The following FAM171A1 variants were observed in gnomAD, a reference collection of about 807,000 sequenced individuals.
The protein encoded by FAM171A1 is protein FAM171A1.
Under a neutral mutation model 74.9 loss-of-function variants are expected in FAM171A1, and 23 were observed. That is an observed-to-expected ratio of 0.31 (90% CI 0.22 to 0.44). FAM171A1 has a LOEUF of 0.44. Ranked by LOEUF, FAM171A1 falls within the 20% of genes least tolerant of loss-of-function variation. FAM171A1 has a pLI of 1.00. For synonymous variants in FAM171A1, 527 were observed against 505.7 expected (o/e 1.04, Z -0.57); for missense variants, 1,162 against 1,159.2 (o/e 1.00, Z -0.03).
intron 1 of FAM171A1, among the ~76,000 whole-genome samples, chr10:15,330,864 T>C (rs1031452000): frequency 2.0e-5 from 3 of 151,640 alleles, no homozygotes; most frequent in African/African-American, 7.3e-5. Context: ...ATTAAAGTCA[T>C]GTGCCACCAC....
At chr10:15,240,522 T>C (rs1043899586) in intron 5 of FAM171A1, among the ~76,000 whole-genome samples, 1 of 152,202 alleles carries the variant, frequency 6.6e-6, no homozygotes, top group East Asian at 1.9e-4. Flanking sequence ...AATATGAAGA[T>C]GCCAATTTCA....
intron 3 of FAM171A1, among the ~76,000 whole-genome samples, chr10:15,255,463 G>C (rs766884212): frequency 2.0e-4 from 30 of 152,264 alleles, no homozygotes; most frequent in Non-Finnish European, 3.4e-4. Flanking sequence ...CTGGAGGCGT[G>C]CTTCCTACTT....
intron 1 of FAM171A1, among the ~76,000 whole-genome samples, chr10:15,320,503 C>T (rs1490398996): frequency 2.0e-5 from 3 of 152,274 alleles, no homozygotes; most frequent in South Asian, 2.1e-4. Context: ...ATTGCCAGGT[C>T]GAATGGCAGT....
At chr10:15,229,714 C>A (rs111171985) in intron 5 of FAM171A1, among the ~76,000 whole-genome samples, 1 of 75,962 alleles carries the variant, frequency 1.3e-5, no homozygotes, top group Non-Finnish European at 3.0e-5. Flanking sequence ...ATCATCATCA[C>A]CACCATCACC....
At chr10:15,238,146 GT>G (rs1834318339) in intron 5 of FAM171A1, among the ~76,000 whole-genome samples, 1 of 152,160 alleles carries the variant, frequency 6.6e-6, no homozygotes, top group African/African-American at 2.4e-5. Flanking sequence ...GTGTAGTACT[GT>G]TTATCCCTAT....
intron 1 of FAM171A1, 43 bp downstream of exon 1, chr10:15,370,913 C>T (rs755013205): frequency 6.2e-5 from 61 of 979,002 alleles, no homozygotes; most frequent in Non-Finnish European, 2.0e-5. Flanking sequence ...CGCGCCAGGC[C>T]CGGCGCGACA....
intron 4 of FAM171A1, among the ~76,000 whole-genome samples, 163 bp from the exon 5 acceptor site, chr10:15,248,978 G>C (rs774956487): frequency 1.3e-4 from 20 of 152,120 alleles, no homozygotes; most frequent in Non-Finnish European, 2.5e-4. Context: ...AGTAAGGCAG[G>C]TAAAATCGTC....
At chr10:15,328,290 G>A (rs556475303) in intron 1 of FAM171A1, among the ~76,000 whole-genome samples, 6 of 152,146 alleles carry the variant, frequency 3.9e-5, no homozygotes, top group Admixed American at 1.3e-4. Flanking sequence ...GATCACAGGC[G>A]CCCACCACCA....
chr10:15,312,641 A>AATCAACT (rs1296316435), intron 1 of FAM171A1, among the ~76,000 whole-genome samples: 1 of 137,370 alleles, frequency 7.3e-6, no homozygotes, highest in East Asian at 2.3e-4. Context: ...CCGGAATGTA[A>AATCAACT]ATCAACTACT....
At chr10:15,258,875 G>A (rs1033338835) in intron 3 of FAM171A1, among the ~76,000 whole-genome samples, 1 of 152,092 alleles carries the variant, frequency 6.6e-6, no homozygotes, top group Non-Finnish European at 1.5e-5. Flanking sequence ...ACCACCCATC[G>A]CCTGTGCCAT....
At chr10:15,297,005 C>T (rs1835169413) in intron 1 of FAM171A1, among the ~76,000 whole-genome samples, 1 of 152,094 alleles carries the variant, frequency 6.6e-6, no homozygotes, top group Non-Finnish European at 1.5e-5. Context: ...GTGCTATTTA[C>T]ACTGGTGGCT....
intron 1 of FAM171A1, among the ~76,000 whole-genome samples, chr10:15,309,426 T>G (rs1835333740): frequency 6.6e-6 from 1 of 152,272 alleles, no homozygotes; most frequent in African/African-American, 2.4e-5. Flanking sequence ...CAGGCTGGTC[T>G]TGAACTCCTG....
At chr10:15,254,615 G>A (rs928417139) in intron 4 of FAM171A1, 106 bp downstream of exon 4, 20 of 1,259,042 alleles carry the variant, frequency 1.6e-5, no homozygotes, top group Non-Finnish European at 2.2e-5. Flanking sequence ...TGCACCTTCA[G>A]TGCCTTTCTC....
At chr10:15,308,795 C>T (rs987960698) in intron 1 of FAM171A1, among the ~76,000 whole-genome samples, 2 of 152,160 alleles carry the variant, frequency 1.3e-5, no homozygotes, top group Non-Finnish European at 2.9e-5. Context: ...AAGGTCATCA[C>T]AAGCAGTAAT....
At chr10:15,253,067 G>A (rs549928892) in intron 4 of FAM171A1, among the ~76,000 whole-genome samples, 187 of 152,186 alleles carry the variant, frequency 1.2e-3, no homozygotes, top group African/African-American at 4.4e-3. Context: ...GCAGTGGCAC[G>A]ATCTTGGCTC....
Position 15,213,380 on chromosome 10 carries a change from A to T in FAM171A1, c.2208T>A (p.Asn736Lys). The T allele has an allele frequency of 6.2e-7, 1 of 1,614,120 alleles. No homozygotes were observed. The highest frequency in any genetic ancestry group is 8.5e-7 in the Non-Finnish European group (1 of 1,180,022). ...DLQRAGRNGS[N>K]DASLDSGVDM... ...CTACGCCAGAGTCCAAACTGGCATC[A>T]TTACTTCCGTTCCTTCCAGCTCTTT... The change falls in exon 8 of 8, where the codon AAT becomes AAA. Residue 736 changes from asparagine (N) to lysine (K), a missense_variant. Transcript: ENST00000378116. This position sits in a 1 kb window ranked among gnomAD's most constrained non-coding sequence, Gnocchi z 6.8.
chr10:15,216,084 T>C lies in FAM171A1; in HGVS notation c.898A>G (p.Thr300Ala). The C allele has an allele frequency of 6.2e-7, 1 of 1,608,708 alleles. No individual in the cohort carries two copies. Among genetic ancestry groups the C allele is most frequent in the South Asian group, 1.1e-5 (1 of 89,374 alleles). ...PGPVVTQDIT[T>A]YHTVFLLAIL... ...GCCAAAAGAAACACCGTGTGATACG[T>C]GGTAATGTCCTGTGTTACAACGGGA... Residue 300 changes from threonine to alanine, a missense_variant, in exon 7 of 8, where the codon ACG becomes GCG. Thr to Ala is a moderately conservative substitution (Grantham distance 58). Coordinates refer to ENST00000378116, the MANE Select transcript of FAM171A1 (RefSeq NM_001010924.2).
chr10:15,250,046 C>T (rs1203764640), intron 4 of FAM171A1, among the ~76,000 whole-genome samples: 1 of 152,218 alleles, frequency 6.6e-6, no homozygotes, highest in Non-Finnish European at 1.5e-5. Context: ...ATGTAAACCT[C>T]CAATCTGGTC....
At chr10:15,372,169 C>G (rs1009212971), upstream of FAM171A1, among the ~76,000 whole-genome samples, 1 of 152,090 alleles carries the variant, frequency 6.6e-6, no homozygotes, top group Non-Finnish European at 1.5e-5. Context: ...CACAACTGAG[C>G]CTAGAAGAAG....
Sources: gnomAD v4.1 joint callset for allele counts (sites outside exome capture counted in the v4.1 genomes callset) on GRCh38, gnomAD v4.1.1 for gene constraint, Gnocchi (gnomAD v3.1) non-coding constraint, MANE v1.5 for transcripts, NCBI Gene and HGNC (gene_info 2026-07-23, HGNC 2026-07-21) for gene names.